SLC30A5: variants seen among roughly 807,000 people sequenced by gnomAD.
SLC30A5 encodes solute carrier family 30 member 5, also known as proton-coupled zinc antiporter SLC30A5.
In SLC30A5, 33 loss-of-function variants were observed where a neutral mutation model predicts 79.6. The ratio of observed to expected loss-of-function variants is 0.41; its 90% CI spans 0.31 to 0.55. The LOEUF (loss-of-function observed/expected upper bound fraction) is 0.55, where lower values mean the gene tolerates loss of function less well. SLC30A5 is among the 20% of genes least tolerant of loss of function. SLC30A5 has a pLI of 0.20. For synonymous variants in SLC30A5, 299 were observed against 319.7 expected (o/e 0.94, Z 0.69); for missense variants, 788 against 928.1 (o/e 0.85, Z 1.96).
intron 14 of SLC30A5, among the ~76,000 whole-genome samples, chr5:69,124,553 A>T (rs1202360612): frequency 1.3e-5 from 2 of 152,180 alleles, no homozygotes; most frequent in African/African-American, 2.4e-5. Context: ...CAAAAAAATT[A>T]TGAAACTACT....
chr5:69,102,870 A>AG, intron 2 of SLC30A5, 192 bp from the exon 3 acceptor site: 1 of 340,850 alleles, frequency 2.9e-6, no homozygotes, highest in East Asian at 5.8e-5. Flanking sequence ...AAAAAAAAAA[A>AG]AAAAAAAGTT....
chr5:69,123,173 A>T, intron 13 of SLC30A5, 26 bp from the exon 14 acceptor site: 1 of 1,502,124 alleles, frequency 6.7e-7, no homozygotes, highest in Non-Finnish European at 9.1e-7. Context: ...CTTAATTTTT[A>T]ATGTCCTTAT....
intron 14 of SLC30A5, 143 bp downstream of exon 14, chr5:69,123,568 T>C (rs1195746742): frequency 1.6e-6 from 1 of 631,198 alleles, no homozygotes; most frequent in African/African-American, 1.8e-5. Context: ...TAAAATTTAA[T>C]AAGTTGACCT....
chr5:69,117,381 G>A lies in SLC30A5; in HGVS notation c.1424G>A (p.Arg475Gln), dbSNP rs766309768. The A allele has an allele frequency of 1.4e-5, 22 of 1,613,528 alleles. No homozygotes were observed. Among genetic ancestry groups the A allele is most frequent in the Non-Finnish European group, 1.8e-5 (21 of 1,179,876 alleles). The change falls in exon 11 of 16, where the codon CGG becomes CAG. Residue 475 changes from arginine to glutamine, a missense_variant. Physicochemically the swap from Arg to Gln is conservative, Grantham distance 43. Transcript: ENST00000396591. Reference protein sequence around the residue: ...AALMSRWKATRIFSYGYGRIE... With the variant: ...AALMSRWKATQIFSYGYGRIE... ...CTGATGAGTAGGTGGAAAGCCACTC[G>A]GATTTTCTCCTATGGGTAGGTACAT...
chr5:69,122,746 G>A (rs1449353735), intron 13 of SLC30A5, among the ~76,000 whole-genome samples: 1 of 152,150 alleles, frequency 6.6e-6, no homozygotes, highest in Admixed American at 6.6e-5. Context: ...CAGCTGAATA[G>A]ATATTAGTTG....
chr5:69,104,480 A>G, intron 3 of SLC30A5, 151 bp from the exon 4 acceptor site: 3 of 1,385,108 alleles, frequency 2.2e-6, no homozygotes, highest in Middle Eastern at 2.7e-4. Flanking sequence ...AGACTTAGTC[A>G]AGGGATCTTA....
intron 8 of SLC30A5, among the ~76,000 whole-genome samples, 171 bp from the exon 9 acceptor site, chr5:69,115,755 T>C (rs900340616): frequency 1.3e-5 from 2 of 152,254 alleles, no homozygotes; most frequent in African/African-American, 2.4e-5. Context: ...TTTAAAACTT[T>C]GGAGAATACT....
At chr5:69,109,764 A>C (rs571909012) in intron 5 of SLC30A5, among the ~76,000 whole-genome samples, 2 of 152,326 alleles carry the variant, frequency 1.3e-5, no homozygotes, top group East Asian at 3.9e-4. Context: ...AACTGTTAGA[A>C]CTATATAGTG....
intron 14 of SLC30A5, among the ~76,000 whole-genome samples, chr5:69,127,754 G>A (rs1746742240): frequency 6.6e-6 from 1 of 152,054 alleles, no homozygotes; most frequent in South Asian, 2.1e-4. Flanking sequence ...CCACACATCT[G>A]TAGCCTCCAG....
At position 69,094,045 on chromosome 5, in the gene SLC30A5, G is replaced by T. The variant is rs143965380; in HGVS notation, c.-211G>T. 6.1e-3 allele frequency: 2,405 copies of T among 393,868 alleles called. 49 individuals are homozygous for T. Among genetic ancestry groups the T allele is most frequent in the African/African-American group, 0.044 (2,152 of 48,478 alleles). The allele number at this position is 393,868 out of a possible 1,614,324, so 24.4% of individuals were successfully genotyped here. On this transcript the variant is annotated 5_prime_UTR_variant, in exon 1 of 16. Coordinates refer to ENST00000396591, the MANE Select transcript of SLC30A5 (RefSeq NM_022902.5). ...ACCGCCGCTGCTTCCCGGGAACCTG[G>T]CGCCGCCGGAACTGATCGCGGCCTA...
intron 3 of SLC30A5, chr5:69,104,022 C>G (rs757708113): frequency 6.4e-7 from 1 of 1,568,144 alleles, no homozygotes; most frequent in Non-Finnish European, 8.7e-7. Context: ...GTTAAATGAT[C>G]CTAGGAAACT....
At chr5:69,112,019 G>A (rs1460273879) in intron 5 of SLC30A5, among the ~76,000 whole-genome samples, 1 of 152,104 alleles carries the variant, frequency 6.6e-6, no homozygotes, top group African/African-American at 2.4e-5. Flanking sequence ...ATGCTGTTTA[G>A]CCAGGCACAG....
chr5:69,098,857 TC>T (rs960234680), intron 1 of SLC30A5, among the ~76,000 whole-genome samples: 1 of 152,192 alleles, frequency 6.6e-6, no homozygotes, highest in African/African-American at 2.4e-5. Context: ...CCTCTGCCCT[TC>T]CCCGCAAAGA....
chr5:69,116,430 A>T lies in SLC30A5; in HGVS notation c.1109A>T (p.Gln370Leu). Residue 370 changes from glutamine (Q) to leucine (L), a missense_variant, in exon 10 of 16, where the codon CAA (glutamine) becomes CTA (leucine). Physicochemically the swap from Gln to Leu is moderately radical, Grantham distance 113. This residue lies in a region of SLC30A5 where 626 missense variants were observed against 755.5 expected (regional missense o/e 0.83). Coordinates refer to ENST00000396591, the MANE Select transcript of SLC30A5 (RefSeq NM_022902.5). This position sits in a 1 kb window ranked among gnomAD's most constrained non-coding sequence, Gnocchi z 4.0. ...NILSSPSKRG[Q>L]KGTLIGYSPE... ...TTATCATCTCCCTCTAAGAGAGGACAAAAAGGTACCCTTATTGGATATTCT... is the reference window on the plus strand; with the variant it reads ...TTATCATCTCCCTCTAAGAGAGGACTAAAAGGTACCCTTATTGGATATTCT... 2 of 1,607,730 alleles carry T rather than the reference A, an allele frequency of 1.2e-6. No homozygotes were observed. Among genetic ancestry groups the T allele is most frequent in the Non-Finnish European group, 1.7e-6 (2 of 1,178,096 alleles).
In SLC30A5 at chr5:69,129,625, C is replaced by G. The variant is rs374893981; in HGVS notation, c.*8C>G. ...GGTACTTACATCATGTGAGATAACT[C>G]AAGAATTACCCCTGGAGAATAAACA... On this transcript the variant is annotated 3_prime_UTR_variant, in exon 16 of 16. Coordinates refer to ENST00000396591, the MANE Select transcript of SLC30A5 (RefSeq NM_022902.5). The G allele has an allele frequency of 6.3e-7, 1 of 1,597,486 alleles. No individual in the cohort carries two copies. Among genetic ancestry groups the G allele is most frequent in the African/African-American group, 1.3e-5 (1 of 74,470 alleles).
intron 5 of SLC30A5, among the ~76,000 whole-genome samples, chr5:69,110,532 A>G (rs1196615519): frequency 1.3e-5 from 2 of 152,230 alleles, no homozygotes; most frequent in Non-Finnish European, 2.9e-5. Context: ...TCACTAATAG[A>G]GTACTCCAAA....
chr5:69,096,837 A>G (rs994544972), intron 1 of SLC30A5, among the ~76,000 whole-genome samples: 3 of 151,948 alleles, frequency 2.0e-5, no homozygotes, highest in African/African-American at 7.2e-5. Context: ...GGCAGTGCCT[A>G]TAGTTCCAGC....
In SLC30A5 at chr5:69,116,584, C is replaced by T; in HGVS notation, c.1263C>T (p.Tyr421=). The T allele has an allele frequency of 6.4e-7, 1 of 1,558,730 alleles. No individual in the cohort carries two copies. Among genetic ancestry groups the T allele is most frequent in the Non-Finnish European group, 8.6e-7 (1 of 1,158,766 alleles). The change falls in exon 10 of 16, where the codon TAC becomes TAT. Residue 421 remains tyrosine, a synonymous_variant. Transcript: ENST00000396591. This position sits in a 1 kb window ranked among gnomAD's most constrained non-coding sequence, Gnocchi z 4.0. ...LEESDSRQIF[Y]FLCLNLLFTF... is the part of the protein sequence containing the mutation. ...AGAGTGACTCTAGGCAGATCTTTTA[C>T]TTCTTGTGCTTGAATCTGGTAAGAT...
chr5:69,126,441 A>C (rs908592381), intron 14 of SLC30A5, among the ~76,000 whole-genome samples: 1 of 152,098 alleles, frequency 6.6e-6, no homozygotes, highest in Non-Finnish European at 1.5e-5. Flanking sequence ...CGCCTGGCCT[A>C]AAGTATTTTT....
Sources: allele counts gnomAD v4.1 joint callset (sites outside exome capture counted in the v4.1 genomes callset), GRCh38; gene constraint gnomAD v4.1.1; regional missense constraint gnomAD v4.1.1; non-coding constraint Gnocchi (gnomAD v3.1); transcripts MANE v1.5; gene names NCBI Gene and HGNC (gene_info 2026-07-23, HGNC 2026-07-21).